The following SNX24 variants were observed in gnomAD, a reference collection of about 807,000 sequenced individuals.
SNX24 encodes sorting nexin 24.
Under a neutral mutation model 28.7 loss-of-function variants are expected in SNX24, and 22 were observed. The observed-to-expected ratio is 0.77, with a 90% CI of 0.55 to 1.10. The LOEUF (loss-of-function observed/expected upper bound fraction) is 1.10. Ranked by LOEUF, SNX24 falls within the 50% of genes least tolerant of loss-of-function variation. SNX24 has a pLI of 0.00. For missense variants in SNX24, 221 were observed against 201.1 expected (o/e 1.10, Z -0.60); for synonymous variants, 69 against 71.5 (o/e 0.96, Z 0.18).
At chr5:122,991,533 T>C (rs890324284) in intron 3 of SNX24, among the ~76,000 whole-genome samples, 2 of 152,326 alleles carry the variant, frequency 1.3e-5, no homozygotes, top group East Asian at 3.9e-4. Flanking sequence ...CATCTTGGCT[T>C]ACTGCAACCT....
chr5:122,913,601 C>T (rs577383557), intron 1 of SNX24, among the ~76,000 whole-genome samples: 22 of 151,966 alleles, frequency 1.4e-4, no homozygotes, highest in East Asian at 2.0e-4. Flanking sequence ...GGCTGCCGGG[C>T]GGAGGGTCTC....
chr5:122,960,202 A>G (rs1760427002), intron 3 of SNX24, among the ~76,000 whole-genome samples: 1 of 152,174 alleles, frequency 6.6e-6, no homozygotes, highest in South Asian at 2.1e-4. Flanking sequence ...GCTTCATGAA[A>G]ATGTTTAAAC....
At chr5:122,948,730 T>A (rs930101904) in intron 3 of SNX24, 1 of 152,224 alleles carries the variant, frequency 6.6e-6, no homozygotes, top group Non-Finnish European at 1.5e-5. Context: ...TCCAGTGGAA[T>A]TAAAAATCTT....
rs764585912 is a variant in SNX24, at chr5:122,936,734, G to T, written c.61G>T (p.Val21Leu). The change falls in exon 2 of 7, where the codon GTG becomes TTG. Residue 21 changes from valine (V) to leucine (L), a missense_variant and splice_region_variant. Coordinates refer to ENST00000261369, the MANE Select transcript of SNX24 (RefSeq NM_014035.4). ...EESDLERGYT[V>L]FKIEVLMNGR... ...TTAATCTTTTAAATTTTTTCCTCAG[G>T]TGTTTAAGATAGAAGTGCTAATGAA... 1.9e-6 allele frequency: 3 copies of T among 1,555,368 alleles called. No individual in the cohort carries two copies. The highest frequency in any genetic ancestry group is 2.3e-5 in the East Asian group (1 of 44,380).
At chr5:122,889,256 T>C (rs1048550859) in intron 1 of SNX24, among the ~76,000 whole-genome samples, 12 of 152,298 alleles carry the variant, frequency 7.9e-5, no homozygotes, top group Admixed American at 2.6e-4. Flanking sequence ...TTTTAACATC[T>C]TTCCACTTTT....
chr5:123,022,859 C>G, intron 5 of SNX24: 1 of 152,374 alleles, frequency 6.6e-6, no homozygotes, highest in East Asian at 1.9e-4. Context: ...CACTCTGTTG[C>G]CTGGGGCAAT....
intron 1 of SNX24, among the ~76,000 whole-genome samples, chr5:122,914,064 A>C (rs544044314): frequency 6.6e-6 from 1 of 152,210 alleles, no homozygotes; most frequent in Admixed American, 6.5e-5. Flanking sequence ...GCAGCAGTAC[A>C]GTCCAGCTTT....
chr5:123,007,627 C>T, intron 6 of SNX24, 55 bp from the exon 7 acceptor site: 1 of 1,455,770 alleles, frequency 6.9e-7, no homozygotes, highest in Non-Finnish European at 9.4e-7. Context: ...TATTTTGTTT[C>T]ACATAAGAAA....
intron 1 of SNX24, among the ~76,000 whole-genome samples, chr5:122,861,730 A>AGAGT (rs1243002717): frequency 4.6e-5 from 7 of 151,372 alleles, no homozygotes; most frequent in African/African-American, 1.7e-4. Flanking sequence ...TTTTTTGAGG[A>AGAGT]GAGTGAGTTG....
chr5:122,984,009 A>T (rs1044842419), intron 3 of SNX24, among the ~76,000 whole-genome samples: 6 of 152,222 alleles, frequency 3.9e-5, no homozygotes, highest in African/African-American at 1.4e-4. Flanking sequence ...ATCAGCATCA[A>T]TGTTTTTTTC....
intron 3 of SNX24, among the ~76,000 whole-genome samples, chr5:122,984,937 A>G (rs1344940199): frequency 6.6e-6 from 1 of 152,038 alleles, no homozygotes; most frequent in South Asian, 2.1e-4. Context: ...AAAGAAAAAA[A>G]GGTATAGTGA....
intron 1 of SNX24, among the ~76,000 whole-genome samples, chr5:122,908,238 C>G (rs917318535): frequency 6.6e-6 from 1 of 152,200 alleles, no homozygotes; most frequent in East Asian, 1.9e-4. Context: ...TAGTTTTGCT[C>G]TGATCAATAA....
At chr5:122,910,574 C>T (rs555843707) in intron 1 of SNX24, among the ~76,000 whole-genome samples, 43 of 149,336 alleles carry the variant, frequency 2.9e-4, no homozygotes, top group African/African-American at 1.0e-3. Context: ...CCCATTAACT[C>T]GTCATTTAGC....
intron 3 of SNX24, among the ~76,000 whole-genome samples, chr5:122,958,643 A>G (rs989805233): frequency 6.6e-6 from 1 of 151,994 alleles, no homozygotes; most frequent in African/African-American, 2.4e-5. Flanking sequence ...ATTGATGCTT[A>G]TATGTAGAAC....
chr5:122,845,816 C>A, intron 1 of SNX24, 123 bp downstream of exon 1: 1 of 482,030 alleles, frequency 2.1e-6, no homozygotes, highest in Non-Finnish European at 3.3e-6. Context: ...CTCCCCTCCC[C>A]CGGCCCAGAG....
At chr5:123,016,770 A>G (rs1762686728) in intron 5 of SNX24, among the ~76,000 whole-genome samples, 1 of 152,124 alleles carries the variant, frequency 6.6e-6, no homozygotes, top group African/African-American at 2.4e-5. Context: ...GGCTTGAACA[A>G]CTGGGTGGAT....
At position 123,008,665 on chromosome 5, in the gene SNX24, G is replaced by A. The variant is rs531262553; in HGVS notation, c.*916G>A. Reference sequence around the variant, plus strand: ...TGACAAGGAGTGAAGCGCCCACCCAGCGGATGGACAGCACCCACCTGGGTT... The same window carrying A: ...TGACAAGGAGTGAAGCGCCCACCCAACGGATGGACAGCACCCACCTGGGTT... On this transcript the variant is annotated 3_prime_UTR_variant, in exon 7 of 7. Transcript: ENST00000261369. 8 of 169,058 alleles carry A rather than the reference G, an allele frequency of 4.7e-5. No individual in the cohort carries two copies. The highest frequency in any genetic ancestry group is 1.9e-4 in the African/African-American group (8 of 41,878). The allele number at this position is 169,058 out of a possible 1,614,324, so 10.5% of individuals were successfully genotyped here. A position where few individuals can be genotyped will look rare whatever the true frequency, so the allele number is the denominator to read the frequency against.
chr5:122,902,888 C>G (rs1262403883), intron 1 of SNX24, among the ~76,000 whole-genome samples: 1 of 152,182 alleles, frequency 6.6e-6, no homozygotes, highest in African/African-American at 2.4e-5. Flanking sequence ...TGAGTTTCAA[C>G]TCATATTAGT....
intron 1 of SNX24, among the ~76,000 whole-genome samples, chr5:122,860,687 C>A (rs1307069283): frequency 6.6e-6 from 1 of 152,126 alleles, no homozygotes; most frequent in Non-Finnish European, 1.5e-5. Context: ...AGCTCTGCCT[C>A]CCGGGTTCAC....
Sources: allele counts gnomAD v4.1 joint callset (sites outside exome capture counted in the v4.1 genomes callset), GRCh38; gene constraint gnomAD v4.1.1; transcripts MANE v1.5; gene names NCBI Gene and HGNC (gene_info 2026-07-23, HGNC 2026-07-21).